Variants in RGL3 observed in about 807,000 individuals in gnomAD.
The protein encoded by RGL3 is ral guanine nucleotide dissociation stimulator-like 3.
RGL3 carries 85 observed loss-of-function variants against 90.6 expected under a neutral mutation model. The observed-to-expected ratio is 0.94, with a 90% CI of 0.79 to 1.12. RGL3 has a LOEUF of 1.12. RGL3 is among the 50% of genes most tolerant of loss of function. The pLI is 0.00. For synonymous variants in RGL3, 408 were observed against 385.5 expected (o/e 1.06, Z -0.68); for missense variants, 1,034 against 939.2 (o/e 1.10, Z -1.32).
chr19:11,417,834 G>T (rs1969030751), intron 2 of RGL3, among the ~76,000 whole-genome samples: 1 of 151,384 alleles, frequency 6.6e-6, no homozygotes, highest in Non-Finnish European at 1.5e-5. Context: ...GTTTTGGTTT[G>T]TTTTTTTTAG....
chr19:11,405,459 G>A (rs1169666854), intron 7 of RGL3, 33 bp from the exon 8 acceptor site: 1 of 1,113,272 alleles, frequency 9.0e-7, no homozygotes. Context: ...GTCAGACCCA[G>A]GCATTATCCA....
chr19:11,416,216 CTTT>C (rs143904966), intron 4 of RGL3, 68 bp from the exon 5 acceptor site: 98,124 of 613,610 alleles, frequency 0.16, 4,615 homozygotes, highest in African/African-American at 0.45. Flanking sequence ...CTCCTGGTAC[CTTT>C]TTTTTTTTTT....
At chr19:11,399,419 G>C (rs1968632481) in intron 16 of RGL3, among the ~76,000 whole-genome samples, 1 of 152,082 alleles carries the variant, frequency 6.6e-6, no homozygotes, top group Admixed American at 6.6e-5. Context: ...AAAAAAAATA[G>C]CAGGGCATGG....
At chr19:11,398,668 C>CTT in intron 16 of RGL3, among the ~76,000 whole-genome samples, 1 of 149,576 alleles carries the variant, frequency 6.7e-6, no homozygotes, top group African/African-American at 2.5e-5. Context: ...ATTTCCTTTT[C>CTT]TTTTTTTGTT....
intron 9 of RGL3, among the ~76,000 whole-genome samples, chr19:11,404,624 G>C (rs1968736668): frequency 6.6e-6 from 1 of 152,162 alleles, no homozygotes; most frequent in Admixed American, 6.6e-5. Context: ...TGGAGGCTGG[G>C]AAGGCCTCTC....
chr19:11,398,246 G>A (rs952078724), intron 16 of RGL3, among the ~76,000 whole-genome samples: 3 of 152,070 alleles, frequency 2.0e-5, no homozygotes, highest in Admixed American at 6.6e-5. Flanking sequence ...TGCTGACAGC[G>A]GTTATACACC....
chr19:11,416,820 A>G lies in RGL3; in HGVS notation c.371+16T>C. On this transcript the variant is annotated intron_variant, in intron 3 of 18. Transcript: ENST00000380456. ...TTCTAGGGTGGAGAATACGGAGGTT[A>G]TGGTTCGCTACTGACCCGGGAGGTG... The G allele has an allele frequency of 6.2e-7, 1 of 1,612,654 alleles. No individual in the cohort carries two copies.
In RGL3 at chr19:11,405,391, G is replaced by A. The variant is rs1427010763; in HGVS notation, c.1032C>T (p.Arg344=). The change falls in exon 8 of 19, where the codon CGC becomes CGT. Residue 344 remains arginine, a synonymous_variant. Transcript: ENST00000380456. ...CRELRNFSSL[R]AILSALQSNP... ...TAGATTGCAGGGCGGACAGGATGGC[G>A]CGCAAGGAGGAGAAGTTCCGCAGTT... The A allele has an allele frequency of 2.5e-6, 4 of 1,605,898 alleles. No homozygotes were observed. In the Admixed American group the frequency reaches 5.1e-5, roughly 21 times the overall value.
chr19:11,403,447 T>A (rs1176784996), intron 9 of RGL3, among the ~76,000 whole-genome samples: 1 of 149,890 alleles, frequency 6.7e-6, no homozygotes, highest in Non-Finnish European at 1.5e-5. Context: ...GAGACCAGCC[T>A]GGCTAACAGA....
In RGL3 at chr19:11,405,202, GAA is replaced by G; in HGVS notation, c.1128_1129del (p.Ser377AlafsTer6). 6.2e-7 allele frequency: 1 copy of G among 1,614,124 alleles called. No homozygotes were observed. Reference sequence around the variant, plus strand: ...GTTGTTCTCATCGGAGAAAATCTGCGAAAGTTTCCTGAAAGTAGATAGCGGTT... The same window carrying G: ...GTTGTTCTCATCGGAGAAAATCTGCGAGTTTCCTGAAAGTAGATAGCGGTT... On this transcript the variant is annotated frameshift_variant, in exon 9 of 19. Coordinates refer to ENST00000380456, the MANE Select transcript of RGL3 (RefSeq NM_001035223.4). LOFTEE classifies it high-confidence loss of function.
In RGL3 at chr19:11,403,095, C is replaced by T. The variant is rs1255584013; in HGVS notation, c.1186-389G>A. Among the ~76,000 whole-genome samples the T allele has an allele frequency of 3.3e-5, 5 of 151,558 alleles. No homozygotes were observed. The East Asian group carries it at 6.1e-4, about 18-fold the overall frequency. On this transcript the variant is annotated intron_variant, in intron 9 of 18. Coordinates refer to ENST00000380456, the MANE Select transcript of RGL3 (RefSeq NM_001035223.4). ...TGTCACCCAGGCTGGAGTGCAGTGG[C>T]GCGATCTCGGCTCACTGCAGGCTCC...
chr19:11,414,231 TTATATA>T (rs549575988), intron 5 of RGL3, among the ~76,000 whole-genome samples: 957 of 72,044 alleles, frequency 0.013, 36 homozygotes, highest in African/African-American at 0.03. Flanking sequence ...ATATATACCT[TTATATA>T]TATATATACC....
intron 9 of RGL3, among the ~76,000 whole-genome samples, chr19:11,404,810 C>G (rs1273775212): frequency 6.6e-6 from 1 of 152,172 alleles, no homozygotes; most frequent in Non-Finnish European, 1.5e-5. Context: ...AGACTTTTGA[C>G]ACACATTTTT....
chr19:11,402,793 C>T (rs373786059), intron 9 of RGL3, 87 bp from the exon 10 acceptor site: 32 of 1,158,560 alleles, frequency 2.8e-5, no homozygotes, highest in East Asian at 2.6e-4. Context: ...CATATATACC[C>T]TTCATGCTTT....
At chr19:11,400,387 G>A in intron 13 of RGL3, 90 bp from the exon 14 acceptor site, 2 of 1,113,142 alleles carry the variant, frequency 1.8e-6, no homozygotes, top group South Asian at 1.8e-5. Context: ...AGGTGGGTTT[G>A]GGGTGTAAGG....
At chr19:11,412,929 G>T (rs1968897706) in intron 5 of RGL3, among the ~76,000 whole-genome samples, 1 of 152,024 alleles carries the variant, frequency 6.6e-6, no homozygotes, top group Non-Finnish European at 1.5e-5. Context: ...TCGCGCCATT[G>T]CACTCCAGCC....
rs1240005010 is a variant in RGL3, at chr19:11,396,170, T to A, written c.2014+1074A>T. ...TATATATATATATATTTTTTTTTTT[T>A]TTTTTTTTTTTTTTTTGAGACAGAG... On this transcript the variant is annotated intron_variant, in intron 18 of 18. Transcript: ENST00000380456. Among the ~76,000 whole-genome samples, 170 of 86,752 alleles carry A rather than the reference T, an allele frequency of 2.0e-3. 3 individuals carry two copies. The highest frequency in any genetic ancestry group is 7.3e-3 in the African/African-American group (161 of 22,148). The allele number at this position is 86,752 out of a possible 152,430, so 56.9% of individuals were successfully genotyped here. A position where few individuals can be genotyped will look rare whatever the true frequency, so the allele number is the denominator to read the frequency against.
intron 18 of RGL3, 40 bp downstream of exon 18, chr19:11,397,204 C>G (rs373165474): frequency 8.6e-5 from 135 of 1,571,542 alleles, no homozygotes; most frequent in Non-Finnish European, 1.1e-4. Context: ...CTCGCCTCCC[C>G]GCTGCCCCCT....
At chr19:11,404,357 G>A (rs1481272068) in intron 9 of RGL3, among the ~76,000 whole-genome samples, 7 of 152,134 alleles carry the variant, frequency 4.6e-5, no homozygotes, top group African/African-American at 1.4e-4. Flanking sequence ...GCAAAACCCC[G>A]TCTCTACCAA....
Sources: allele counts gnomAD v4.1 joint callset (sites outside exome capture counted in the v4.1 genomes callset), GRCh38; gene constraint gnomAD v4.1.1; transcripts MANE v1.5; gene names NCBI Gene and HGNC (gene_info 2026-07-23, HGNC 2026-07-21).